CSPP1: variants seen among roughly 807,000 people sequenced by gnomAD.
CSPP1 encodes centrosome and spindle pole associated protein 1, also known as centrosome and spindle pole-associated protein 1.
Under a neutral mutation model 164.4 loss-of-function variants are expected in CSPP1, and 126 were observed. The observed-to-expected ratio is 0.77, with a 90% CI of 0.66 to 0.89. CSPP1 has a LOEUF of 0.89. CSPP1 is among the 40% of genes least tolerant of loss of function. The pLI, the probability that CSPP1 is intolerant of heterozygous loss-of-function variation, is 0.00. For missense variants in CSPP1, 1,395 were observed against 1,449.8 expected (o/e 0.96, Z 0.61); for synonymous variants, 472 against 476.7 (o/e 0.99, Z 0.13).
intron 24 of CSPP1, among the ~76,000 whole-genome samples, chr8:67,166,528 G>T (rs1829332914): frequency 6.6e-6 from 1 of 152,122 alleles, no homozygotes. Context: ...AAATTTCAAG[G>T]TACAGATTGG....
chr8:67,181,776 C>T (rs1488568373), intron 28 of CSPP1, among the ~76,000 whole-genome samples: 1 of 152,162 alleles, frequency 6.6e-6, no homozygotes, highest in African/African-American at 2.4e-5. Context: ...TCATCCATCT[C>T]CAGAATTCAT....
At chr8:67,179,953 A>G in intron 28 of CSPP1, 27 bp downstream of exon 28, 1 of 1,308,146 alleles carries the variant, frequency 7.6e-7, no homozygotes, top group Non-Finnish European at 1.1e-6. Context: ...TATTAAGGCT[A>G]TATTGTTTAA....
chr8:67,066,381 C>T (rs1805549629), intron 1 of CSPP1, among the ~76,000 whole-genome samples: 1 of 152,080 alleles, frequency 6.6e-6, no homozygotes, highest in Admixed American at 6.6e-5. Flanking sequence ...GAAACATTGT[C>T]CTGGTCACTT....
rs550181826 is a variant in CSPP1, at chr8:67,180,071, C to A, written c.3220+145C>A. 504 of 518,336 alleles carry A rather than the reference C, an allele frequency of 9.7e-4. 2 individuals carry two copies. Among genetic ancestry groups the A allele is most frequent in the African/African-American group, 9.4e-3 (477 of 50,596 alleles). 32.1% of individuals were successfully genotyped at this position (518,336 alleles called of 1,614,324 possible). On this transcript the variant is annotated intron_variant, in intron 28 of 30. Transcript: ENST00000678616. ...TTTTTTCTGTTTTAATCAGATATGC[C>A]TTGGAAAGTTTTCAAAATCAGAATT...
Position 67,149,908 on chromosome 8 carries a change from C to G in CSPP1, c.2101C>G (p.Leu701Val). 1 of 1,571,550 alleles carries G rather than the reference C, an allele frequency of 6.4e-7. No individual in the cohort carries two copies. Among genetic ancestry groups the G allele is most frequent in the Non-Finnish European group, 8.6e-7 (1 of 1,166,482 alleles). ...PNLATSNAENLEDAANKSSGH... is the reference protein window; with the variant it reads ...PNLATSNAENVEDAANKSSGH... ...TTTAGCCACTTCAAATGCTGAGAAC[C>G]TAGAAGATGCTGCAAATAAAAGCTC... Residue 701 changes from leucine (L) to valine (V), a missense_variant, in exon 18 of 31, where the codon CTA becomes GTA. Transcript: ENST00000678616.
chr8:67,097,541 G>A (rs1376289516), intron 7 of CSPP1, among the ~76,000 whole-genome samples: 1 of 152,126 alleles, frequency 6.6e-6, no homozygotes, highest in Non-Finnish European at 1.5e-5. Context: ...TTCAGTTGGG[G>A]AACTGCAAGT....
chr8:67,139,100 T>C (rs974911059), intron 17 of CSPP1, among the ~76,000 whole-genome samples: 2 of 152,138 alleles, frequency 1.3e-5, no homozygotes, highest in Admixed American at 6.6e-5. Context: ...CAGATAGTTG[T>C]AGATGTGCGG....
intron 24 of CSPP1, among the ~76,000 whole-genome samples, chr8:67,167,389 C>G (rs1433070157): frequency 6.9e-6 from 1 of 144,066 alleles, no homozygotes; most frequent in Non-Finnish European, 1.5e-5. Context: ...GCTGGCCGGG[C>G]GGGGGCTGCC....
At chr8:67,174,767 G>GAAA (rs370370213) in intron 25 of CSPP1, 4 of 98,528 alleles carry the variant, frequency 4.1e-5, no homozygotes, top group South Asian at 3.0e-4. Flanking sequence ...TCCGTCTCAA[G>GAAA]AAAAAAAAAA....
At chr8:67,193,656 T>C in intron 30 of CSPP1, 54 bp downstream of exon 30, 2 of 1,508,586 alleles carry the variant, frequency 1.3e-6, no homozygotes, top group Non-Finnish European at 1.8e-6. Context: ...ACTTTTAAAC[T>C]TTCTTACTCA....
At chr8:67,159,422 G>T (rs1827291771) in intron 21 of CSPP1, among the ~76,000 whole-genome samples, 1 of 148,424 alleles carries the variant, frequency 6.7e-6, no homozygotes, top group South Asian at 2.1e-4. Context: ...ATGGTCTGCA[G>T]ACAGTACAAC....
In CSPP1 at chr8:67,096,367, C is replaced by G. The variant is rs910072592; in HGVS notation, c.923+635C>G. 4.6e-5 allele frequency among the ~76,000 whole-genome samples: 7 copies of G among 151,502 alleles called. No homozygotes were observed. The East Asian group carries it at 1.2e-3, about 26-fold the overall frequency. ...GGATCGCGAGGTAAGGAGGTTGAGA[C>G]CAGCCTGACCAACAGGGTGAAACCC... is the stretch of plus-strand genomic sequence containing the variant. On this transcript the variant is annotated intron_variant, in intron 7 of 30. Transcript: ENST00000678616.
At position 67,091,843 on chromosome 8, in the gene CSPP1, T is replaced by C. The variant is rs373552364; in HGVS notation, c.344T>C (p.Leu115Ser). 108 of 1,351,660 alleles carry C rather than the reference T, an allele frequency of 8.0e-5. No individual in the cohort carries two copies. The highest frequency in any genetic ancestry group is 1.0e-4 in the Non-Finnish European group (106 of 1,013,332). 83.7% of individuals were successfully genotyped at this position (1,351,660 alleles called of 1,614,324 possible). A position where few individuals can be genotyped will look rare whatever the true frequency, so the allele number is the denominator to read the frequency against. Residue 115 changes from leucine (L) to serine (S), a missense_variant, in exon 5 of 31, where the codon TTG (leucine) becomes TCG (serine). Leu to Ser is a moderately radical substitution (Grantham distance 145, BLOSUM62 -2). Transcript: ENST00000678616. ...ACGAGTGAAACAGATCCATCTACTT[T>C]GGGAGTTTCTCTTCCTATTGGTGAG... is the stretch of plus-strand genomic sequence containing the variant. ...LSTSETDPST[L>S]GVSLPIGERL... is the part of the protein sequence containing the mutation.
intron 30 of CSPP1, 88 bp from the exon 31 acceptor site, chr8:67,195,294 G>A: frequency 2.4e-6 from 2 of 830,766 alleles, no homozygotes; most frequent in Non-Finnish European, 4.2e-6. Flanking sequence ...ATGCTGAGTT[G>A]TAATGAGTTG....
intron 19 of CSPP1, 148 bp from the exon 20 acceptor site, chr8:67,158,299 C>T (rs934930717): frequency 1.3e-6 from 1 of 774,610 alleles, no homozygotes; most frequent in African/African-American, 1.8e-5. Context: ...ATCATGTAGC[C>T]TCCCTGAAAA....
At chr8:67,073,791 C>T (rs764127202) in intron 1 of CSPP1, among the ~76,000 whole-genome samples, 3 of 152,036 alleles carry the variant, frequency 2.0e-5, no homozygotes, top group Non-Finnish European at 4.4e-5. Context: ...ACCTTGTGTG[C>T]ACAAGCAAAG....
chr8:67,091,852 C>A lies in CSPP1; in HGVS notation c.353C>A (p.Ser118Tyr). 2.2e-6 allele frequency: 3 copies of A among 1,350,956 alleles called. No individual in the cohort carries two copies. The highest frequency in any genetic ancestry group is 3.0e-6 in the Non-Finnish European group (3 of 1,013,262). 83.7% of individuals were successfully genotyped at this position (1,350,956 alleles called of 1,614,324 possible). ...SETDPSTLGV[S>Y]LPIGERLSAK... The stretch of plus-strand genomic sequence containing the variant: ...ACAGATCCATCTACTTTGGGAGTTT[C>A]TCTTCCTATTGGTGAGAGGTTATCT... Residue 118 changes from serine to tyrosine, a missense_variant, in exon 5 of 31, where the codon TCT becomes TAT. By Grantham distance (144) the Ser-to-Tyr change is moderately radical. Coordinates refer to ENST00000678616, the MANE Select transcript of CSPP1 (RefSeq NM_001382391.1).
chr8:67,115,986 A>ATAGCT lies in CSPP1; in HGVS notation c.1362_1366dup (p.Phe456Ter). 1 of 1,614,014 alleles carries ATAGCT rather than the reference A, an allele frequency of 6.2e-7. No homozygotes were observed. The highest frequency in any genetic ancestry group is 8.5e-7 in the Non-Finnish European group (1 of 1,179,972). ...GATGATACCACCTGAAAGACCCAGA[A>ATAGCT]TAGCTTTCCAGACACCTCTCCCTCC... On this transcript the variant is annotated frameshift_variant, in exon 13 of 31. Coordinates refer to ENST00000678616, the MANE Select transcript of CSPP1 (RefSeq NM_001382391.1). LOFTEE classifies it high-confidence loss of function.
At chr8:67,171,868 G>A (rs1282724091) in intron 24 of CSPP1, among the ~76,000 whole-genome samples, 2 of 137,120 alleles carry the variant, frequency 1.5e-5, no homozygotes, top group East Asian at 4.5e-4. Flanking sequence ...TCTTTTTTGA[G>A]ATGGAGTCTT....
Sources: gnomAD v4.1 joint callset for allele counts (sites outside exome capture counted in the v4.1 genomes callset) on GRCh38, gnomAD v4.1.1 for gene constraint, MANE v1.5 for transcripts, NCBI Gene and HGNC (gene_info 2026-07-23, HGNC 2026-07-21) for gene names.